Variants in MYO3A observed in about 807,000 individuals in gnomAD.
The protein encoded by MYO3A is myosin IIIA.
In MYO3A, 180 loss-of-function variants were observed where a neutral mutation model predicts 192.7. The observed-to-expected ratio is 0.93, with a 90% confidence interval of 0.83 to 1.06. The LOEUF (loss-of-function observed/expected upper bound fraction) is 1.06. MYO3A is among the 50% of genes least tolerant of loss of function. The pLI, the probability that MYO3A is intolerant of heterozygous loss-of-function variation, is 0.00. For missense variants in MYO3A, 1,896 were observed against 1,905.0 expected (o/e 1.00, Z 0.09); for synonymous variants, 628 against 645.3 (o/e 0.97, Z 0.41).
At chr10:26,098,626 A>G (rs985018249) in intron 17 of MYO3A, among the ~76,000 whole-genome samples, 2 of 152,246 alleles carry the variant, frequency 1.3e-5, no homozygotes, top group African/African-American at 2.4e-5. Context: ...AACTTTCTAC[A>G]TATGGCTAGC....
chr10:26,166,098 G>A lies in MYO3A; in HGVS notation c.3031G>A (p.Glu1011Lys), dbSNP rs1841733477. 2 of 1,614,090 alleles carry A rather than the reference G, an allele frequency of 1.2e-6. No homozygotes were observed. Among genetic ancestry groups the A allele is most frequent in the Non-Finnish European group, 1.7e-6 (2 of 1,180,022 alleles). ...CCTTCTCTGCTACAAGTCGAGCGAGGAGCCCCGCATGAGCCCTGACACCTG... is the reference window on the plus strand; with the variant it reads ...CCTTCTCTGCTACAAGTCGAGCGAGAAGCCCCGCATGAGCCCTGACACCTG... ...YYLLCYKSSE[E>K]PRMSPDTCAT... The change falls in exon 27 of 35, where the codon GAG becomes AAG. Residue 1011 changes from glutamate to lysine, a missense_variant. Physicochemically the swap from Glu to Lys is moderately conservative, Grantham distance 56. Transcript: ENST00000642920.
chr10:25,966,880 C>T (rs527401513), intron 4 of MYO3A, among the ~76,000 whole-genome samples: 75 of 152,262 alleles, frequency 4.9e-4, no homozygotes, highest in African/African-American at 1.8e-3. Flanking sequence ...CTAGACAAAA[C>T]ATATTTTTAA....
intron 14 of MYO3A, among the ~76,000 whole-genome samples, chr10:26,085,270 A>AT (rs1234496403): frequency 8.7e-5 from 13 of 148,970 alleles, no homozygotes; most frequent in Admixed American, 2.7e-4. Context: ...TCAGATTTTG[A>AT]TTTTTTTTCC....
chr10:26,107,481 CAAAAA>C (rs1271959522), intron 17 of MYO3A, among the ~76,000 whole-genome samples: 3 of 74,410 alleles, frequency 4.0e-5, no homozygotes, highest in Non-Finnish European at 2.7e-5. Context: ...AACACCATCT[CAAAAA>C]AAAAAAAAAA....
In MYO3A at chr10:26,049,779, A is replaced by T. The variant is rs972198499; in HGVS notation, c.954-17196A>T. Among the ~76,000 whole-genome samples, 8 of 146,888 alleles carry T rather than the reference A, an allele frequency of 5.4e-5. No homozygotes were observed. The Admixed American group carries it at 5.7e-4, about 10-fold the overall frequency. On this transcript the variant is annotated intron_variant, in intron 10 of 34. Transcript: ENST00000642920. ...CTGCCTTTGCCTTCTGGGTTCAAGCAATTCTCCTGCCTCAGCCTCCCGAGT... is the reference window on the plus strand; with the variant it reads ...CTGCCTTTGCCTTCTGGGTTCAAGCTATTCTCCTGCCTCAGCCTCCCGAGT...
intron 17 of MYO3A, among the ~76,000 whole-genome samples, chr10:26,106,217 G>A (rs1184163598): frequency 6.6e-6 from 1 of 152,054 alleles, no homozygotes; most frequent in Non-Finnish European, 1.5e-5. Flanking sequence ...TTGGAGCACT[G>A]TGATTTTCAT....
At chr10:26,011,264 AC>A (rs1841639884) in intron 6 of MYO3A, among the ~76,000 whole-genome samples, 1 of 152,110 alleles carries the variant, frequency 6.6e-6, no homozygotes, top group Admixed American at 6.5e-5. Context: ...CCCTGTCTCT[AC>A]TAAAAATACA....
chr10:26,073,973 A>G (rs1835375366), intron 14 of MYO3A, among the ~76,000 whole-genome samples: 1 of 152,124 alleles, frequency 6.6e-6, no homozygotes, highest in Non-Finnish European at 1.5e-5. Context: ...ACTGTATGTA[A>G]ATTATACCTT....
chr10:26,176,572 A>C, intron 30 of MYO3A, 129 bp from the exon 31 acceptor site: 1 of 786,206 alleles, frequency 1.3e-6, no homozygotes, highest in Non-Finnish European at 2.1e-6. Flanking sequence ...TGCAAGGGAC[A>C]GGGTGGGCCC....
intron 6 of MYO3A, among the ~76,000 whole-genome samples, chr10:26,012,589 G>A (rs1283856870): frequency 6.6e-6 from 1 of 152,110 alleles, no homozygotes; most frequent in African/African-American, 2.4e-5. Context: ...AGAAATCATA[G>A]GTGACACAAA....
rs565608742 is a variant in MYO3A at position 26,054,558 on chromosome 10, A to G, written c.954-12417A>G. Among the ~76,000 whole-genome samples the G allele has an allele frequency of 1.6e-3, 238 of 152,330 alleles. 4 individuals are homozygous for G. The South Asian group carries it at 0.019, about 12-fold the overall frequency. ...GGTCCAATCCCTGGGATCTGTGAAT[A>G]TTACTTTGCCTGGCAAAAGGAACCA... On this transcript the variant is annotated intron_variant, in intron 10 of 34. Coordinates refer to ENST00000642920, the MANE Select transcript of MYO3A (RefSeq NM_017433.5).
intron 8 of MYO3A, chr10:26,022,644 T>G (rs1228804995): frequency 6.6e-6 from 1 of 152,188 alleles, no homozygotes; most frequent in Non-Finnish European, 1.5e-5. Flanking sequence ...ATCCAAGACA[T>G]TTCATTAATT....
chr10:26,074,032 G>A (rs1215572598), intron 14 of MYO3A, among the ~76,000 whole-genome samples: 1 of 151,900 alleles, frequency 6.6e-6, no homozygotes, highest in Non-Finnish European at 1.5e-5. Context: ...GATTTTCCAG[G>A]TAAAGATCTT....
At chr10:26,121,386 CTGT>C (rs1264626053) in intron 18 of MYO3A, among the ~76,000 whole-genome samples, 2 of 151,952 alleles carry the variant, frequency 1.3e-5, no homozygotes, top group African/African-American at 4.8e-5. Flanking sequence ...CTAGTATGCC[CTGT>C]TATTTTATTT....
intron 17 of MYO3A, among the ~76,000 whole-genome samples, chr10:26,109,510 C>A (rs1262118372): frequency 2.0e-5 from 3 of 152,128 alleles, no homozygotes; most frequent in Non-Finnish European, 4.4e-5. Flanking sequence ...CAATTAGTAA[C>A]CCTGTTGGTT....
At chr10:26,180,983 A>T (rs1842595138) in intron 31 of MYO3A, among the ~76,000 whole-genome samples, 1 of 152,174 alleles carries the variant, frequency 6.6e-6, no homozygotes, top group South Asian at 2.1e-4. Context: ...GGACTTATTC[A>T]TTAGATAGTA....
intron 6 of MYO3A, among the ~76,000 whole-genome samples, chr10:25,998,397 T>C (rs1840583442): frequency 6.6e-6 from 1 of 152,232 alleles, no homozygotes; most frequent in East Asian, 1.9e-4. Context: ...TGCATGTGCC[T>C]ATGCTTTGTT....
At chr10:26,041,811 A>G (rs752546134) in intron 10 of MYO3A, among the ~76,000 whole-genome samples, 17 of 151,996 alleles carry the variant, frequency 1.1e-4, no homozygotes, top group Non-Finnish European at 2.1e-4. Context: ...ACATGATTGT[A>G]GTTATTGTTT....
intron 14 of MYO3A, among the ~76,000 whole-genome samples, chr10:26,076,802 TGTAA>T (rs1344960057): frequency 2.6e-5 from 4 of 152,306 alleles, no homozygotes; most frequent in South Asian, 2.1e-4. Flanking sequence ...ATCAGTTGGC[TGTAA>T]GTATTTGGAT....
Sources: gnomAD v4.1 joint callset for allele counts (sites outside exome capture counted in the v4.1 genomes callset) on GRCh38, gnomAD v4.1.1 for gene constraint, MANE v1.5 for transcripts, NCBI Gene and HGNC (gene_info 2026-07-23, HGNC 2026-07-21) for gene names.